Variants in SHLD1 observed in about 807,000 individuals in gnomAD.
SHLD1 encodes the protein RINN1-REV7-interacting novel NHEJ regulator 3.
SHLD1 carries 3 observed loss-of-function variants against 5.5 expected under a neutral mutation model. That is an observed-to-expected ratio of 0.54 (90% CI 0.25 to 1.40). The LOEUF (loss-of-function observed/expected upper bound fraction) is 1.40. Ranked by LOEUF, SHLD1 falls within the 40% of genes most tolerant of loss-of-function variation. The pLI is 0.15. For missense variants in SHLD1, 210 were observed against 244.4 expected, an observed-to-expected ratio of 0.86 and a Z score of 0.94; for synonymous variants, 92 against 94.3, an observed-to-expected ratio of 0.98 and a Z score of 0.14.
At chr20:5,780,417 C>T (rs541671246) in intron 2 of SHLD1, among the ~76,000 whole-genome samples, 93 of 152,246 alleles carry the variant, frequency 6.1e-4, no homozygotes, top group African/African-American at 2.0e-3. Context: ...GCAACAGGCA[C>T]GCTGGAGAGA....
Position 5,799,158 on chromosome 20 carries a change from G to A in SHLD1, c.178+26115G>A, listed in dbSNP as rs879301085. The stretch of plus-strand genomic sequence containing the variant: ...GCGGAGGTTGCAGTGAGTCGTGATT[G>A]CACCACTGCACTCTAGCCTGGATGA... On this transcript the variant is annotated intron_variant, in intron 2 of 2. Transcript: ENST00000303142. Among the ~76,000 whole-genome samples the A allele has an allele frequency of 3.3e-5, 5 of 151,510 alleles. No individual in the cohort carries two copies. In the East Asian group the frequency reaches 7.8e-4, roughly 24 times the overall value.
chr20:5,802,583 C>G (rs2122343330), intron 2 of SHLD1, among the ~76,000 whole-genome samples: 1 of 152,284 alleles, frequency 6.6e-6, no homozygotes, highest in South Asian at 2.1e-4. Context: ...ATCACCACCT[C>G]TCCTCCAAGC....
chr20:5,787,424 C>A lies in SHLD1; in HGVS notation c.178+14381C>A, dbSNP rs190796387. ...CTGCTGAGTGGCTGCCCTTGGCCAA[C>A]CTTTTAGCTCCCTGGAGTTTTTGAT... On this transcript the variant is annotated intron_variant, in intron 2 of 2. Coordinates refer to ENST00000303142, the MANE Select transcript of SHLD1 (RefSeq NM_152504.4). Among the ~76,000 whole-genome samples the A allele has an allele frequency of 3.3e-3, 501 of 152,312 alleles. 1 individual carries two copies. The highest frequency in any genetic ancestry group is 0.012 in the African/African-American group (487 of 41,560).
chr20:5,779,975 T>TG (rs1985614148), intron 2 of SHLD1, among the ~76,000 whole-genome samples: 1 of 134,894 alleles, frequency 7.4e-6, no homozygotes, highest in African/African-American at 3.0e-5. Context: ...AATTTCTGTT[T>TG]TTTTTTTTTT....
intron 2 of SHLD1, among the ~76,000 whole-genome samples, chr20:5,795,339 G>A (rs913372311): frequency 6.6e-6 from 1 of 151,982 alleles, no homozygotes; most frequent in African/African-American, 2.4e-5. Context: ...GCTAATCCCT[G>A]TAATCCCAGC....
At chr20:5,764,193 T>A (rs1209611119) in intron 1 of SHLD1, among the ~76,000 whole-genome samples, 2 of 74,994 alleles carry the variant, frequency 2.7e-5, no homozygotes, top group East Asian at 5.0e-4. Flanking sequence ...TATATATATT[T>A]TATATATATA....
chr20:5,786,141 C>T (rs2087056571), intron 2 of SHLD1, among the ~76,000 whole-genome samples: 1 of 152,176 alleles, frequency 6.6e-6, no homozygotes, highest in African/African-American at 2.4e-5. Context: ...CATTCTCCAC[C>T]CAAGGCCAGC....
At chr20:5,831,473 A>T (rs2087728292) in intron 2 of SHLD1, among the ~76,000 whole-genome samples, 1 of 152,202 alleles carries the variant, frequency 6.6e-6, no homozygotes, top group Admixed American at 6.5e-5. Flanking sequence ...AGTTCGTTGA[A>T]GCCAACAGCC....
intron 2 of SHLD1, among the ~76,000 whole-genome samples, chr20:5,785,001 C>T (rs1437135253): frequency 1.3e-5 from 2 of 152,166 alleles, no homozygotes; most frequent in African/African-American, 4.8e-5. Context: ...ACCTCATGTT[C>T]TGGCCTGATA....
In SHLD1 at chr20:5,849,822, G is replaced by A. The variant is rs375936384; in HGVS notation, c.179-13202G>A. Reference sequence around the variant, plus strand: ...AAAATACAAAAAATTAGCCGGGCGCGGTGGCGGGCGCCTGTAGTCCCAGCT... The same window carrying A: ...AAAATACAAAAAATTAGCCGGGCGCAGTGGCGGGCGCCTGTAGTCCCAGCT... On this transcript the variant is annotated intron_variant, in intron 2 of 2. Transcript: ENST00000303142. Among the ~76,000 whole-genome samples the A allele has an allele frequency of 1.7e-4, 26 of 150,970 alleles. No individual in the cohort carries two copies. In the South Asian group the frequency reaches 4.6e-3, roughly 27 times the overall value.
intron 2 of SHLD1, among the ~76,000 whole-genome samples, chr20:5,798,300 CT>C (rs1568507709): frequency 1.9e-5 from 2 of 106,120 alleles, no homozygotes; most frequent in African/African-American, 6.8e-5. Context: ...AGTAGAAACT[CT>C]CAGTTCTCTT....
intron 2 of SHLD1, among the ~76,000 whole-genome samples, chr20:5,792,406 C>G (rs1197979405): frequency 1.3e-5 from 2 of 151,768 alleles, no homozygotes; most frequent in African/African-American, 2.4e-5. Flanking sequence ...TTCTTTTTAT[C>G]TTTTTGTTTG....
chr20:5,800,017 A>ATGAAG (rs4053238), intron 2 of SHLD1, among the ~76,000 whole-genome samples: 129,086 of 151,730 alleles, frequency 0.85, 55,150 homozygotes, highest in East Asian at 1. Context: ...TGGTTCTCAA[A>ATGAAG]GTGATTTTGT....
chr20:5,762,972 A>G (rs1488210786), intron 1 of SHLD1, among the ~76,000 whole-genome samples: 16 of 11,016 alleles, frequency 1.5e-3, no homozygotes, highest in Non-Finnish European at 2.3e-3. Flanking sequence ...ACTCCGTCTC[A>G]AAAAAAAAAA....
chr20:5,800,576 A>G (rs537706428), intron 2 of SHLD1, among the ~76,000 whole-genome samples: 37 of 152,232 alleles, frequency 2.4e-4, no homozygotes, highest in Non-Finnish European at 5.0e-4. Context: ...TGTAATCCCA[A>G]CTATTCAGGA....
At chr20:5,837,887 GT>G (rs2087808904) in intron 2 of SHLD1, among the ~76,000 whole-genome samples, 1 of 152,072 alleles carries the variant, frequency 6.6e-6, no homozygotes, top group Admixed American at 6.5e-5. Context: ...TTTCCAATAT[GT>G]TTATTGAAAA....
intron 2 of SHLD1, among the ~76,000 whole-genome samples, chr20:5,838,823 C>T (rs1002432359): frequency 1.3e-5 from 2 of 152,092 alleles, no homozygotes; most frequent in Non-Finnish European, 2.9e-5. Context: ...TTTAAGCAGC[C>T]CTGCTTCTGT....
At position 5,772,928 on chromosome 20, in the gene SHLD1, A is replaced by C; in HGVS notation, c.63A>C (p.Pro21=). ...LSEESSALDL[P]SACDIRDYVL... ...AGGAGAGCAGTGCTTTGGACCTGCC[A>C]TCAGCGTGTGACATAAGAGATTACG... is the stretch of plus-strand genomic sequence containing the variant. The change falls in exon 2 of 3, where the codon CCA becomes CCC. Residue 21 remains proline (P), a synonymous_variant. Transcript: ENST00000303142. 1 of 1,614,174 alleles carries C rather than the reference A, an allele frequency of 6.2e-7. No homozygotes were observed. The highest frequency in any genetic ancestry group is 8.5e-7 in the Non-Finnish European group (1 of 1,180,014).
At chr20:5,815,853 G>A (rs1307703507) in intron 2 of SHLD1, among the ~76,000 whole-genome samples, 1 of 152,126 alleles carries the variant, frequency 6.6e-6, no homozygotes, top group Non-Finnish European at 1.5e-5. Flanking sequence ...GGCCATGATG[G>A]GCTGATTGCT....
Sources: allele counts gnomAD v4.1 joint callset (sites outside exome capture counted in the v4.1 genomes callset), GRCh38; gene constraint gnomAD v4.1.1; transcripts MANE v1.5; gene names NCBI Gene and HGNC (gene_info 2026-07-23, HGNC 2026-07-21).